Variants in TAMM41 observed in about 807,000 individuals in gnomAD.
TAMM41 encodes phosphatidate cytidylyltransferase, mitochondrial.
A neutral mutation model predicts 44.1 loss-of-function variants in TAMM41; 36 were observed. The observed-to-expected ratio is 0.82, with a 90% CI of 0.63 to 1.08. The LOEUF (loss-of-function observed/expected upper bound fraction) is 1.08, where lower values mean the gene tolerates loss of function less well. TAMM41 is among the 50% of genes least tolerant of loss of function. The pLI is 0.00. For synonymous variants in TAMM41, 164 were observed against 153.1 expected (o/e 1.07, Z -0.53); for missense variants, 417 against 404.3 (o/e 1.03, Z -0.27).
chr3:11,735,672 T>G, the TAMM41 span, among the ~76,000 whole-genome samples: 1 of 152,066 alleles, frequency 6.6e-6, no homozygotes, highest in Non-Finnish European at 1.5e-5. Flanking sequence ...ATGTAGTGAA[T>G]CAGGTGCCCT....
chr3:11,796,449 G>C (rs1386395453), intron 7 of TAMM41, among the ~76,000 whole-genome samples: 8 of 152,158 alleles, frequency 5.3e-5, no homozygotes. Context: ...CCCAAGCTTA[G>C]CTCCTTCACT....
chr3:11,770,369 ACTCCTGCAC>A, the TAMM41 span, among the ~76,000 whole-genome samples: 1 of 151,808 alleles, frequency 6.6e-6, no homozygotes, highest in Non-Finnish European at 1.5e-5. Flanking sequence ...CTCTCTAACA[ACTCCTGCAC>A]CTCTCTGTCC....
the TAMM41 span, among the ~76,000 whole-genome samples, chr3:11,752,624 GCTTTTT>G: frequency 1.5e-5 from 1 of 64,962 alleles, no homozygotes; most frequent in African/African-American, 5.0e-5. Context: ...TTCTTACAAA[GCTTTTT>G]TTTTTTTTTT....
At chr3:11,829,953 C>T in intron 3 of TAMM41, 89 bp from the exon 4 acceptor site, 1 of 1,310,876 alleles carries the variant, frequency 7.6e-7, no homozygotes. Context: ...CTATCTCAAA[C>T]TCTCTTCCCA....
intron 7 of TAMM41, chr3:11,807,527 C>A: frequency 6.5e-7 from 1 of 1,536,082 alleles, no homozygotes; most frequent in East Asian, 2.4e-5. Flanking sequence ...TTTTGCAATC[C>A]TATGCATCTG....
rs998803654 is a variant in TAMM41, at chr3:11,844,183, A to G, written c.164T>C (p.Val55Ala). Residue 55 changes from valine (V) to alanine (A), a missense_variant, in exon 2 of 8, where the codon GTA becomes GCA. By Grantham distance (64) the Val-to-Ala change is moderately conservative. Transcript: ENST00000455809. Reference protein sequence around the residue: ...KNAMLDFVFTVDDPVAWHSKN... With the variant: ...KNAMLDFVFTADDPVAWHSKN... Reference sequence around the variant, plus strand: ...TGAATGCCATGCGACAGGGTCATCTACTGTGAACACAAAGTCCAGCATAGC... The same window carrying G: ...TGAATGCCATGCGACAGGGTCATCTGCTGTGAACACAAAGTCCAGCATAGC... The G allele has an allele frequency of 9.3e-6, 15 of 1,614,182 alleles. No homozygotes were observed. The highest frequency in any genetic ancestry group is 1.3e-5 in the Non-Finnish European group (15 of 1,180,030).
intron 3 of TAMM41, among the ~76,000 whole-genome samples, chr3:11,835,257 T>TA (rs1191464398): frequency 6.6e-6 from 1 of 152,186 alleles, no homozygotes; most frequent in Admixed American, 6.5e-5. Context: ...ATAGTTTGTT[T>TA]AAAAATCATC....
At chr3:11,722,285 A>T in the TAMM41 span, among the ~76,000 whole-genome samples, 3 of 152,158 alleles carry the variant, frequency 2.0e-5, no homozygotes, top group Non-Finnish European at 2.9e-5. Context: ...CATTAGCGTG[A>T]CTTAGCTCTG....
intron 2 of TAMM41, among the ~76,000 whole-genome samples, chr3:11,843,340 T>TC (rs1275658804): frequency 6.6e-6 from 1 of 152,222 alleles, no homozygotes; most frequent in Non-Finnish European, 1.5e-5. Context: ...TGATCAGAAC[T>TC]CTGGGGGTGG....
intron 7 of TAMM41, among the ~76,000 whole-genome samples, chr3:11,798,224 A>G (rs1425583299): frequency 6.6e-6 from 1 of 152,218 alleles, no homozygotes; most frequent in African/African-American, 2.4e-5. Context: ...CATTATTCAC[A>G]ATAGCAAAGA....
downstream of TAMM41, among the ~76,000 whole-genome samples, chr3:11,788,761 C>A (rs1244774160): frequency 1.3e-5 from 2 of 152,050 alleles, no homozygotes; most frequent in African/African-American, 2.4e-5. Context: ...CATGATGAAA[C>A]CCTGTTTCTA....
At chr3:11,765,240 C>T in the TAMM41 span, among the ~76,000 whole-genome samples, 13 of 152,174 alleles carry the variant, frequency 8.5e-5, no homozygotes, top group South Asian at 6.2e-4. Context: ...CAGGCTCTTA[C>T]TACCACCACC....
intron 4 of TAMM41, among the ~76,000 whole-genome samples, chr3:11,826,453 C>T (rs796247951): frequency 1.8e-4 from 25 of 135,528 alleles, no homozygotes; most frequent in African/African-American, 6.5e-4. Flanking sequence ...TGCTTGGGCC[C>T]GGGAGGTCGA....
rs923068278 is a variant in TAMM41 at position 11,808,907 on chromosome 3, G to C, written c.874+610C>G. ...CAGCTACTTTTGTAATTTTTGCAGA[G>C]ACAGGGTCTTGCTCTGTTGCCCAAG... On this transcript the variant is annotated intron_variant, in intron 6 of 7. Coordinates refer to ENST00000455809, the MANE Select transcript of TAMM41 (RefSeq NM_001284401.2). The C allele has an allele frequency of 4.9e-4, 76 of 153,826 alleles. 1 individual carries two copies. Among genetic ancestry groups the C allele is most frequent in the Non-Finnish European group, 2.6e-4 (18 of 69,416 alleles). 9.5% of individuals were successfully genotyped at this position (153,826 alleles called of 1,614,324 possible). A position where few individuals can be genotyped will look rare whatever the true frequency, so the allele number is the denominator to read the frequency against.
chr3:11,804,997 T>TTTTG (rs2077860839), intron 7 of TAMM41, among the ~76,000 whole-genome samples: 5 of 88,450 alleles, frequency 5.7e-5, no homozygotes, highest in African/African-American at 2.7e-4. Context: ...CGCCCAGCCC[T>TTTTG]TTTTTTTTTT....
At chr3:11,748,852 G>A in the TAMM41 span, among the ~76,000 whole-genome samples, 3 of 151,558 alleles carry the variant, frequency 2.0e-5, no homozygotes, top group African/African-American at 7.3e-5. Flanking sequence ...GGTCCCAGGG[G>A]TTCCTGCTTG....
At chr3:11,772,254 T>G in the TAMM41 span, among the ~76,000 whole-genome samples, 3 of 150,734 alleles carry the variant, frequency 2.0e-5, no homozygotes, top group Admixed American at 6.6e-5. Context: ...TTTTTTTTTT[T>G]GTAGTTTTAG....
the TAMM41 span, among the ~76,000 whole-genome samples, chr3:11,727,371 C>T: frequency 1.4e-3 from 214 of 152,318 alleles, 1 homozygote; most frequent in African/African-American, 4.7e-3. Context: ...AGGACCCACC[C>T]AGACCTGCTG....
At chr3:11,808,271 G>A (rs1341312721) in intron 6 of TAMM41, 3 of 1,057,272 alleles carry the variant, frequency 2.8e-6, no homozygotes, top group Admixed American at 5.0e-5. Flanking sequence ...TTACATCTAC[G>A]AGAAAAACTT....
Sources: allele counts gnomAD v4.1 joint callset (sites outside exome capture counted in the v4.1 genomes callset), GRCh38; gene constraint gnomAD v4.1.1; transcripts MANE v1.5; gene names NCBI Gene and HGNC (gene_info 2026-07-23, HGNC 2026-07-21).